The following PPP6R3 variants were observed in gnomAD, a reference collection of about 807,000 sequenced individuals.
The protein encoded by PPP6R3 is protein phosphatase 6 regulatory subunit 3.
PPP6R3 carries 38 observed loss-of-function variants against 110.7 expected under a neutral mutation model. That is an observed-to-expected ratio of 0.34 (90% CI 0.26 to 0.45). PPP6R3 has a LOEUF of 0.45. Ranked by LOEUF, PPP6R3 falls within the 20% of genes least tolerant of loss-of-function variation. The pLI, the probability that PPP6R3 is intolerant of heterozygous loss-of-function variation, is 1.00. For missense variants in PPP6R3, 870 were observed against 1,062.4 expected, an observed-to-expected ratio of 0.82 and a Z score of 2.52; for synonymous variants, 369 against 373.5, an observed-to-expected ratio of 0.99 and a Z score of 0.14.
At chr11:68,572,846 A>T (rs1368080302) in intron 12 of PPP6R3, among the ~76,000 whole-genome samples, 1 of 71,372 alleles carries the variant, frequency 1.4e-5, no homozygotes, top group Non-Finnish European at 2.6e-5. Flanking sequence ...GTCTCTACCT[A>T]AATAATCAAC....
chr11:68,600,595 G>T, intron 20 of PPP6R3, 101 bp downstream of exon 20: 1 of 1,343,966 alleles, frequency 7.4e-7, no homozygotes, highest in Non-Finnish European at 1.0e-6. Context: ...TGACTTCCAA[G>T]TTGAATATAC....
chr11:68,504,771 T>TTC (rs764651962), intron 1 of PPP6R3, among the ~76,000 whole-genome samples: 39 of 152,330 alleles, frequency 2.6e-4, no homozygotes, highest in Admixed American at 1.1e-3. Flanking sequence ...GAGCTGTGTG[T>TTC]TCTCATCCCA....
At chr11:68,510,048 C>T (rs1469517827) in intron 1 of PPP6R3, among the ~76,000 whole-genome samples, 1 of 132,988 alleles carries the variant, frequency 7.5e-6, no homozygotes, top group African/African-American at 2.8e-5. Flanking sequence ...AGCTACTGTG[C>T]TCGGCCTTTT....
intron 1 of PPP6R3, among the ~76,000 whole-genome samples, chr11:68,477,073 T>C (rs1401284466): frequency 1.3e-5 from 2 of 152,116 alleles, no homozygotes; most frequent in Non-Finnish European, 2.9e-5. Flanking sequence ...TCTAATGCGA[T>C]TTTGATTCTT....
intron 1 of PPP6R3, among the ~76,000 whole-genome samples, chr11:68,482,368 C>T (rs1470306234): frequency 6.7e-6 from 1 of 148,308 alleles, no homozygotes; most frequent in African/African-American, 2.5e-5. Flanking sequence ...GAGCCAAGAT[C>T]ATGCCAGTGC....
intron 19 of PPP6R3, 113 bp from the exon 20 acceptor site, chr11:68,600,228 G>A (rs994064957): frequency 2.5e-6 from 3 of 1,224,328 alleles, no homozygotes; most frequent in Admixed American, 1.9e-5. Context: ...ATTGGTGAGA[G>A]TGTCTTTCTC....
At chr11:68,548,278 TG>T in intron 5 of PPP6R3, 74 bp downstream of exon 5, 2 of 1,561,680 alleles carry the variant, frequency 1.3e-6, no homozygotes, top group Non-Finnish European at 1.7e-6. Flanking sequence ...TGCTGTGTGC[TG>T]GGAAGGAATG....
chr11:68,549,144 G>T (rs904233650), intron 5 of PPP6R3, among the ~76,000 whole-genome samples: 1 of 152,196 alleles, frequency 6.6e-6, no homozygotes, highest in Admixed American at 6.5e-5. Flanking sequence ...GCCCGCCTGG[G>T]CCTCCCAAAG....
At chr11:68,488,802 T>C (rs2098965087) in intron 1 of PPP6R3, 1 of 152,158 alleles carries the variant, frequency 6.6e-6, no homozygotes, top group Non-Finnish European at 1.5e-5. Context: ...ACACATTGGC[T>C]CAGGCATTCT....
intron 13 of PPP6R3, 54 bp from the exon 14 acceptor site, chr11:68,575,904 T>C: frequency 1.5e-6 from 2 of 1,337,276 alleles, no homozygotes; most frequent in Non-Finnish European, 2.1e-6. Flanking sequence ...ACTTTATTTG[T>C]CTCCGTGGAG....
At chr11:68,590,556 T>C (rs1426832919) in intron 16 of PPP6R3, 104 bp from the exon 17 acceptor site, 2 of 1,226,826 alleles carry the variant, frequency 1.6e-6, no homozygotes, top group Admixed American at 2.7e-5. Flanking sequence ...ATAGAGATTT[T>C]GATGATAGTG....
rs1594234951 is a variant in PPP6R3, at chr11:68,614,476, C to T, written c.*1359C>T. On this transcript the variant is annotated 3_prime_UTR_variant, in exon 24 of 24. Coordinates refer to ENST00000393800, the MANE Select transcript of PPP6R3 (RefSeq NM_001164161.2). ...TTTTACATCATTTGTTTTTCCTGAC[C>T]AGTATTTAAAACCAAAAGGATATTC... The T allele has an allele frequency of 2.9e-6, 4 of 1,374,406 alleles. No individual in the cohort carries two copies. Among genetic ancestry groups the T allele is most frequent in the South Asian group, 1.8e-5 (1 of 55,584 alleles). 85.1% of individuals were successfully genotyped at this position (1,374,406 alleles called of 1,614,324 possible).
chr11:68,615,198 C>G lies in PPP6R3; in HGVS notation c.*2081C>G, dbSNP rs368324749. 6.1e-4 allele frequency: 251 copies of G among 409,078 alleles called. 2 individuals carry two copies. The highest frequency in any genetic ancestry group is 4.3e-3 in the South Asian group (243 of 56,436). 25.3% of individuals were successfully genotyped at this position (409,078 alleles called of 1,614,324 possible). Reference sequence around the variant, plus strand: ...GGAGGGGCCAAGCCAAGGACAGGAGCAAGTGTGCCCTCATTTTGTTTCTAC... The same window carrying G: ...GGAGGGGCCAAGCCAAGGACAGGAGGAAGTGTGCCCTCATTTTGTTTCTAC... On this transcript the variant is annotated 3_prime_UTR_variant, in exon 24 of 24. Transcript: ENST00000393800.
chr11:68,516,960 A>G (rs1011886947), intron 1 of PPP6R3, among the ~76,000 whole-genome samples: 4 of 151,956 alleles, frequency 2.6e-5, no homozygotes, highest in South Asian at 4.1e-4. Context: ...ATCTGAAACT[A>G]TTCAGATTTT....
intron 19 of PPP6R3, among the ~76,000 whole-genome samples, chr11:68,598,723 T>G (rs1157975930): frequency 6.6e-6 from 1 of 152,222 alleles, no homozygotes; most frequent in Non-Finnish European, 1.5e-5. Flanking sequence ...CTCAAAGAGA[T>G]AACAGAAAAG....
intron 18 of PPP6R3, among the ~76,000 whole-genome samples, chr11:68,595,200 A>ATTTTTTTTTTTT (rs71043443): frequency 1.2e-5 from 1 of 81,108 alleles, no homozygotes; most frequent in African/African-American, 3.9e-5. Flanking sequence ...CATAAAAATA[A>ATTTTTTTTTTTT]TTTTTTTTTT....
intron 1 of PPP6R3, among the ~76,000 whole-genome samples, chr11:68,502,787 G>A (rs1300961167): frequency 6.6e-6 from 1 of 152,208 alleles, no homozygotes; most frequent in African/African-American, 2.4e-5. Context: ...GCTTGTGATG[G>A]AGAGCAAAAG....
chr11:68,610,384 T>C (rs1942804993), intron 23 of PPP6R3, among the ~76,000 whole-genome samples: 1 of 152,164 alleles, frequency 6.6e-6, no homozygotes, highest in South Asian at 2.1e-4. Flanking sequence ...TTGGCCCCAC[T>C]AAAGTCATCC....
intron 1 of PPP6R3, among the ~76,000 whole-genome samples, chr11:68,511,780 CGTGTGTGTGT>C (rs143019841): frequency 3.9e-5 from 5 of 126,606 alleles, no homozygotes; most frequent in Admixed American, 1.6e-4. Flanking sequence ...TGCGCCCAGC[CGTGTGTGTGT>C]GTGTGTGTGT....
Sources: gnomAD v4.1 joint callset for allele counts (sites outside exome capture counted in the v4.1 genomes callset) on GRCh38, gnomAD v4.1.1 for gene constraint, MANE v1.5 for transcripts, NCBI Gene and HGNC (gene_info 2026-07-23, HGNC 2026-07-21) for gene names.